EML1: variants seen among roughly 807,000 people sequenced by gnomAD.
The protein encoded by EML1 is echinoderm microtubule-associated protein-like 1.
Under a neutral mutation model 110.4 loss-of-function variants are expected in EML1, and 27 were observed. The ratio of observed to expected loss-of-function variants is 0.24; its 90% CI spans 0.18 to 0.34. The LOEUF (loss-of-function observed/expected upper bound fraction) is 0.34. Ranked by LOEUF, EML1 falls within the 10% of genes least tolerant of loss-of-function variation. The pLI, the probability that EML1 is intolerant of heterozygous loss-of-function variation, is 1.00. For missense variants in EML1, 741 were observed against 1,030.9 expected, an observed-to-expected ratio of 0.72 and a Z score of 3.85; for synonymous variants, 344 against 385.8, an observed-to-expected ratio of 0.89 and a Z score of 1.27.
intron 1 of EML1, among the ~76,000 whole-genome samples, chr14:99,744,600 C>T (rs2057083290): frequency 1.3e-5 from 2 of 152,216 alleles, no homozygotes; most frequent in Non-Finnish European, 2.9e-5. Context: ...AAATAGAGCA[C>T]ATTGTGTGAG....
At chr14:99,802,400 C>T (rs1171359527) in intron 1 of EML1, among the ~76,000 whole-genome samples, 1 of 150,832 alleles carries the variant, frequency 6.6e-6, no homozygotes, top group Non-Finnish European at 1.5e-5. Context: ...AGGGGGAGGG[C>T]AGGTGGGAAG....
intron 15 of EML1, chr14:99,914,990 G>C: frequency 2.4e-6 from 1 of 408,928 alleles, no homozygotes; most frequent in South Asian, 2.5e-5. Context: ...CATCCTAAGA[G>C]CTGAAAAATA....
intron 3 of EML1, among the ~76,000 whole-genome samples, chr14:99,867,549 G>A (rs2059123440): frequency 6.6e-6 from 1 of 152,046 alleles, no homozygotes; most frequent in Non-Finnish European, 1.5e-5. Flanking sequence ...CTTGGTTAAA[G>A]TTATTCCTAA....
At chr14:99,814,391 T>C (rs1186923202) in intron 1 of EML1, among the ~76,000 whole-genome samples, 1 of 152,140 alleles carries the variant, frequency 6.6e-6, no homozygotes, top group Non-Finnish European at 1.5e-5. Flanking sequence ...TCCTCACAAG[T>C]AGCTAGACTA....
intron 1 of EML1, among the ~76,000 whole-genome samples, chr14:99,805,362 T>C (rs1595307618): frequency 6.6e-6 from 1 of 152,372 alleles, no homozygotes; most frequent in East Asian, 1.9e-4. Context: ...CCGCACCAAC[T>C]GCTGTGACTT....
chr14:99,801,270 G>A (rs752301119), intron 1 of EML1, among the ~76,000 whole-genome samples: 23 of 152,202 alleles, frequency 1.5e-4, no homozygotes, highest in African/African-American at 5.3e-4. Context: ...TACAGTGGGC[G>A]TAGGACAATT....
At chr14:99,909,557 G>A (rs1368371764) in intron 11 of EML1, 78 bp downstream of exon 11, 1 of 1,572,176 alleles carries the variant, frequency 6.4e-7, no homozygotes, top group East Asian at 2.2e-5. Flanking sequence ...TGGGGGCTCT[G>A]GTGATCAACA....
intron 1 of EML1, among the ~76,000 whole-genome samples, chr14:99,809,990 G>A (rs938040946): frequency 4.6e-5 from 7 of 152,204 alleles, no homozygotes; most frequent in South Asian, 4.1e-4. Flanking sequence ...CCAGACAGCC[G>A]AGCCGGCCCT....
rs1312558104 is a variant in EML1 at position 99,941,253 on chromosome 14, T to C, written c.*1141T>C. 6.6e-6 allele frequency: 1 copy of C among 152,248 alleles called. No individual in the cohort carries two copies. Among genetic ancestry groups the C allele is most frequent in the African/African-American group, 2.4e-5 (1 of 41,464 alleles). 9.4% of individuals were successfully genotyped at this position (152,248 alleles called of 1,614,324 possible). ...GAAATTTATTGTTTACATTGGGGAA[T>C]GTATCTCAAATTTTTAAATAGAAGA... On this transcript the variant is annotated 3_prime_UTR_variant, in exon 22 of 22. Coordinates refer to ENST00000262233, the MANE Select transcript of EML1 (RefSeq NM_004434.3).
chr14:99,775,659 G>A lies in EML1; in HGVS notation c.-27+1646G>A, dbSNP rs186302196. ...GGGGCTTTTGATCTGGAGAGTGATT[G>A]CATTGGAGTTGCGTTTTAGTGAGTG... On this transcript the variant is annotated intron_variant, in intron 1 of 22. Transcript: ENST00000327921. Among the ~76,000 whole-genome samples the A allele has an allele frequency of 2.1e-3, 322 of 152,304 alleles. 1 individual carries two copies. The highest frequency in any genetic ancestry group is 7.5e-3 in the African/African-American group (311 of 41,574).
chr14:99,882,733 A>G (rs1418363940), intron 4 of EML1, among the ~76,000 whole-genome samples: 1 of 151,526 alleles, frequency 6.6e-6, no homozygotes, highest in Non-Finnish European at 1.5e-5. Flanking sequence ...GTTGGGCCAC[A>G]TTCAAAGTCG....
intron 3 of EML1, among the ~76,000 whole-genome samples, chr14:99,868,549 G>C (rs1308167104): frequency 1.3e-5 from 2 of 152,012 alleles, no homozygotes; most frequent in East Asian, 1.9e-4. Context: ...GGTGGGCTTT[G>C]TGTTTCTAGG....
At chr14:99,744,127 A>G (rs2057076676) in intron 1 of EML1, among the ~76,000 whole-genome samples, 1 of 152,112 alleles carries the variant, frequency 6.6e-6, no homozygotes, top group Admixed American at 6.5e-5. Context: ...CTCTTTGGTT[A>G]TTTTGTTTCT....
chr14:99,797,377 T>C (rs184757514), intron 1 of EML1, among the ~76,000 whole-genome samples: 18 of 152,316 alleles, frequency 1.2e-4, no homozygotes, highest in Admixed American at 6.5e-4. Context: ...ATTTCCACTT[T>C]TTGACTCTTA....
intron 1 of EML1, among the ~76,000 whole-genome samples, chr14:99,808,405 A>G (rs2058016890): frequency 6.6e-6 from 1 of 152,216 alleles, no homozygotes. Flanking sequence ...GCTTTTCAGT[A>G]ATACCAGAAA....
intron 1 of EML1, among the ~76,000 whole-genome samples, chr14:99,754,256 C>T (rs564016287): frequency 2.3e-4 from 35 of 152,364 alleles, no homozygotes; most frequent in African/African-American, 8.2e-4. Flanking sequence ...CTTGTGACAT[C>T]ATCTTAATCC....
At chr14:99,817,419 C>G (rs547000243) in intron 1 of EML1, among the ~76,000 whole-genome samples, 1 of 152,330 alleles carries the variant, frequency 6.6e-6, no homozygotes, top group South Asian at 2.1e-4. Context: ...ATGAACTTGG[C>G]ATCTTTCTTG....
chr14:99,843,739 C>T (rs2058667057), intron 1 of EML1, among the ~76,000 whole-genome samples: 1 of 152,200 alleles, frequency 6.6e-6, no homozygotes, highest in Admixed American at 6.5e-5. Context: ...TCTAGAATGT[C>T]TTCTCCTACC....
At chr14:99,849,517 G>A (rs180999363) in intron 1 of EML1, among the ~76,000 whole-genome samples, 1,584 of 134,220 alleles carry the variant, frequency 0.012, 14 homozygotes, top group Non-Finnish European at 0.017. Context: ...GTGTGTGTGT[G>A]TGTGTGTGTG....
Sources: gnomAD v4.1 joint callset for allele counts (sites outside exome capture counted in the v4.1 genomes callset) on GRCh38, gnomAD v4.1.1 for gene constraint, MANE v1.5 for transcripts, NCBI Gene and HGNC (gene_info 2026-07-23, HGNC 2026-07-21) for gene names.